The following CTNNA3 variants were observed in gnomAD, a reference collection of about 807,000 sequenced individuals.
CTNNA3 encodes catenin alpha 3, also known as catenin alpha-3.
In CTNNA3, 76 loss-of-function variants were observed where a neutral mutation model predicts 95.7. The observed-to-expected ratio is 0.79, with a 90% CI of 0.66 to 0.96. CTNNA3 has a LOEUF of 0.96. Among genes scored for constraint, CTNNA3 ranks in the 40% least tolerant of loss-of-function variants. CTNNA3 has a pLI of 0.00. For synonymous variants in CTNNA3, 431 were observed against 374.4 expected (o/e 1.15, Z -1.74); for missense variants, 1,191 against 1,089.8 (o/e 1.09, Z -1.31).
intron 7 of CTNNA3, among the ~76,000 whole-genome samples, chr10:66,823,055 G>C (rs1168285375): frequency 6.6e-6 from 1 of 152,184 alleles, no homozygotes; most frequent in East Asian, 1.9e-4. Flanking sequence ...GTGAGTCCTG[G>C]CAGGGGGCCT....
At chr10:67,198,420 C>T (rs2132199572) in intron 6 of CTNNA3, among the ~76,000 whole-genome samples, 1 of 152,118 alleles carries the variant, frequency 6.6e-6, no homozygotes, top group Admixed American at 6.6e-5. Flanking sequence ...AAAAAAGAGG[C>T]AGCTCCAGAG....
At chr10:67,501,256 A>G (rs1241761773) in intron 5 of CTNNA3, among the ~76,000 whole-genome samples, 1 of 152,170 alleles carries the variant, frequency 6.6e-6, no homozygotes, top group African/African-American at 2.4e-5. Flanking sequence ...TTCTGGGTTG[A>G]AAATTCTTTT....
intron 5 of CTNNA3, among the ~76,000 whole-genome samples, chr10:67,437,964 T>C (rs1169366686): frequency 1.3e-5 from 2 of 151,686 alleles, no homozygotes; most frequent in African/African-American, 4.8e-5. Context: ...AATTTTGGTA[T>C]AAAAATGGTA....
chr10:67,014,414 A>G (rs999476807), intron 7 of CTNNA3, among the ~76,000 whole-genome samples: 1 of 152,208 alleles, frequency 6.6e-6, no homozygotes, highest in Non-Finnish European at 1.5e-5. Flanking sequence ...TGGACTATAT[A>G]ACTTAAGAAA....
At chr10:65,968,937 G>T (rs964345241) in intron 16 of CTNNA3, among the ~76,000 whole-genome samples, 4 of 152,198 alleles carry the variant, frequency 2.6e-5, no homozygotes, top group Admixed American at 6.5e-5. Flanking sequence ...GTCTGGACCT[G>T]CCCATCTTGC....
At chr10:66,416,982 A>T (rs183979412) in intron 11 of CTNNA3, among the ~76,000 whole-genome samples, 74 of 152,178 alleles carry the variant, frequency 4.9e-4, no homozygotes, top group Non-Finnish European at 5.9e-5. Flanking sequence ...AGAACAAAGA[A>T]TATACAAACC....
chr10:66,444,766 C>T (rs941268607), intron 11 of CTNNA3, among the ~76,000 whole-genome samples: 4 of 152,178 alleles, frequency 2.6e-5, no homozygotes, highest in African/African-American at 9.7e-5. Context: ...ACTGCATCAA[C>T]TAACGAGCAA....
chr10:66,395,550 A>T (rs935669470), intron 11 of CTNNA3, among the ~76,000 whole-genome samples: 1 of 152,196 alleles, frequency 6.6e-6, no homozygotes. Context: ...ATATGGCTTA[A>T]AAGGTACCAT....
chr10:66,061,220 C>T (rs1197323350), intron 15 of CTNNA3, among the ~76,000 whole-genome samples: 1 of 152,120 alleles, frequency 6.6e-6, no homozygotes, highest in Non-Finnish European at 1.5e-5. Context: ...AGATGCCTTG[C>T]TGCATTTGTA....
intron 17 of CTNNA3, among the ~76,000 whole-genome samples, chr10:65,927,721 T>C (rs1361334395): frequency 1.3e-5 from 2 of 152,230 alleles, no homozygotes; most frequent in Non-Finnish European, 2.9e-5. Flanking sequence ...ATTTGGTTTG[T>C]TTATTTCATT....
At chr10:66,284,246 C>T (rs1285900828) in intron 12 of CTNNA3, among the ~76,000 whole-genome samples, 1 of 151,936 alleles carries the variant, frequency 6.6e-6, no homozygotes, top group Non-Finnish European at 1.5e-5. Context: ...CATTCTCACT[C>T]ATCTTGGCAC....
chr10:66,607,472 C>CAAAAAAAAAAAAAAAAAAAAAAAAAAAA (rs574854850), intron 10 of CTNNA3, among the ~76,000 whole-genome samples: 5 of 45,288 alleles, frequency 1.1e-4, no homozygotes, highest in Admixed American at 3.3e-4. Flanking sequence ...CAGAGACAAC[C>CAAAAAAAAAAAAAAAAAAAAAAAAAAAA]AAAAAAAAAA....
At chr10:67,673,154 C>T (rs1228954915) in intron 1 of CTNNA3, among the ~76,000 whole-genome samples, 2 of 150,990 alleles carry the variant, frequency 1.3e-5, no homozygotes, top group Non-Finnish European at 2.9e-5. Context: ...TGATTTGGCT[C>T]TCTGTTTGTC....
At chr10:66,168,998 T>A (rs138596915) in intron 13 of CTNNA3, among the ~76,000 whole-genome samples, 14 of 152,290 alleles carry the variant, frequency 9.2e-5, no homozygotes, top group African/African-American at 2.9e-4. Context: ...CTAACAGTCA[T>A]CTATTCTTTC....
At chr10:66,866,004 C>T (rs1844160387) in intron 7 of CTNNA3, among the ~76,000 whole-genome samples, 1 of 151,838 alleles carries the variant, frequency 6.6e-6, no homozygotes, top group Non-Finnish European at 1.5e-5. Context: ...TTGCCTATAC[C>T]TAAATATGGA....
rs900031966 is a variant in CTNNA3 at position 65,965,136 on chromosome 10, C to T, written c.2400+1476G>A. Among the ~76,000 whole-genome samples the T allele has an allele frequency of 2.6e-5, 4 of 152,102 alleles. No individual in the cohort carries two copies. In the South Asian group the frequency reaches 6.2e-4, roughly 24 times the overall value. On this transcript the variant is annotated intron_variant, in intron 17 of 17. Transcript: ENST00000433211. ...GGAATAAAAAGCTAGAATGCAATAC[C>T]ATCTTATAATTTCCAAATTATTCAC...
chr10:66,567,514 G>C (rs566637762), intron 10 of CTNNA3, among the ~76,000 whole-genome samples: 1 of 152,192 alleles, frequency 6.6e-6, no homozygotes, highest in African/African-American at 2.4e-5. Flanking sequence ...AGCTATTCAG[G>C]AGGCTGAGGC....
chr10:66,669,275 G>T (rs1846571741), intron 9 of CTNNA3, among the ~76,000 whole-genome samples: 1 of 152,088 alleles, frequency 6.6e-6, no homozygotes, highest in South Asian at 2.1e-4. Flanking sequence ...CGAGCGTGGT[G>T]GCTCACGTTT....
chr10:67,686,690 G>A (rs1840738388), intron 1 of CTNNA3, among the ~76,000 whole-genome samples: 1 of 152,142 alleles, frequency 6.6e-6, no homozygotes, highest in African/African-American at 2.4e-5. Context: ...TGTAAACAGT[G>A]AGGCCAGACT....
Sources: gnomAD v4.1 joint callset for allele counts (sites outside exome capture counted in the v4.1 genomes callset) on GRCh38, gnomAD v4.1.1 for gene constraint, MANE v1.5 for transcripts, NCBI Gene and HGNC (gene_info 2026-07-23, HGNC 2026-07-21) for gene names.